Variants in PTPRJ observed in about 807,000 individuals in gnomAD.
The protein encoded by PTPRJ is receptor-type tyrosine-protein phosphatase eta.
A neutral mutation model predicts 141.3 loss-of-function variants in PTPRJ; 129 were observed. That is an observed-to-expected ratio of 0.91 (90% CI 0.79 to 1.06). The LOEUF (loss-of-function observed/expected upper bound fraction) is 1.06, where lower values mean the gene tolerates loss of function less well. Ranked by LOEUF, PTPRJ falls within the 50% of genes least tolerant of loss-of-function variation. PTPRJ has a pLI of 0.00. For missense variants in PTPRJ, 1,601 were observed against 1,679.7 expected (o/e 0.95, Z 0.82); for synonymous variants, 610 against 640.5 (o/e 0.95, Z 0.72).
At position 48,167,538 on chromosome 11, in the gene PTPRJ, G is replaced by A. The variant is rs568624530; in HGVS notation, c.*176G>A. 3.1e-5 allele frequency: 20 copies of A among 645,986 alleles called. No homozygotes were observed. The Admixed American group carries it at 4.7e-4, about 15-fold the overall frequency. The allele number at this position is 645,986 out of a possible 1,614,324, so 40.0% of individuals were successfully genotyped here. A position where few individuals can be genotyped will look rare whatever the true frequency, so the allele number is the denominator to read the frequency against. On this transcript the variant is annotated 3_prime_UTR_variant, in exon 25 of 25. Transcript: ENST00000418331. ...TGATAGATGACAAATTGGGGCTGTC[G>A]GGGGCTGTGGATGGGTGGGGAGCAA...
At chr11:48,026,512 G>A (rs925710813) in intron 1 of PTPRJ, among the ~76,000 whole-genome samples, 8 of 149,444 alleles carry the variant, frequency 5.4e-5, no homozygotes, top group Non-Finnish European at 1.2e-4. Flanking sequence ...ACGGAGTTTC[G>A]CTCTTATTGC....
chr11:48,166,821 G>A lies in PTPRJ; in HGVS notation c.3856-383G>A, dbSNP rs750854187. 3.7e-4 allele frequency among the ~76,000 whole-genome samples: 56 copies of A among 152,166 alleles called. 1 individual carries two copies. The highest frequency in any genetic ancestry group is 2.8e-4 in the Non-Finnish European group (19 of 68,038). On this transcript the variant is annotated intron_variant, in intron 24 of 24. Transcript: ENST00000418331. The stretch of plus-strand genomic sequence containing the variant: ...CCTCGCTCCTCGGTTGAGCATTACA[G>A]TTGATTCTTACTCTGTACAGTCTCA...
At chr11:48,095,928 C>T (rs1457400922) in intron 1 of PTPRJ, among the ~76,000 whole-genome samples, 5 of 152,312 alleles carry the variant, frequency 3.3e-5, no homozygotes, top group South Asian at 2.1e-4. Flanking sequence ...TTTCCTGCCA[C>T]AGCCGTGGTT....
intron 1 of PTPRJ, among the ~76,000 whole-genome samples, chr11:48,035,611 C>T (rs1590423805): frequency 8.6e-6 from 1 of 116,850 alleles, no homozygotes; most frequent in African/African-American, 3.4e-5. Context: ...GTCTTTGTGG[C>T]GTTGTATTAC....
intron 6 of PTPRJ, among the ~76,000 whole-genome samples, chr11:48,127,574 C>T (rs1856870296): frequency 6.6e-6 from 1 of 152,164 alleles, no homozygotes; most frequent in African/African-American, 2.4e-5. Context: ...CTGCAGGTGC[C>T]ATTGGCCAGG....
chr11:47,983,146 C>T (rs1277010653), intron 1 of PTPRJ, among the ~76,000 whole-genome samples: 1 of 152,086 alleles, frequency 6.6e-6, no homozygotes, highest in African/African-American at 2.4e-5. Flanking sequence ...AAGATGGGAA[C>T]CTGGGTCACC....
intron 1 of PTPRJ, among the ~76,000 whole-genome samples, chr11:48,023,876 T>G (rs1478453380): frequency 3.9e-5 from 6 of 152,000 alleles, no homozygotes; most frequent in Non-Finnish European, 8.8e-5. Context: ...TTTTATTAGA[T>G]CCACAACTTT....
At chr11:48,131,636 G>C (rs914627239) in intron 8 of PTPRJ, 1 of 713,542 alleles carries the variant, frequency 1.4e-6, no homozygotes, top group Non-Finnish European at 2.6e-6. Context: ...TCACAGCCAT[G>C]TTCATTTGCT....
At chr11:48,110,543 G>A (rs2090385098) in intron 2 of PTPRJ, among the ~76,000 whole-genome samples, 1 of 152,098 alleles carries the variant, frequency 6.6e-6, no homozygotes, top group African/African-American at 2.4e-5. Flanking sequence ...AACAACAAAT[G>A]AAAGAAAAAA....
intron 1 of PTPRJ, among the ~76,000 whole-genome samples, chr11:48,016,632 G>A (rs1349604455): frequency 1.3e-5 from 2 of 152,136 alleles, no homozygotes; most frequent in East Asian, 1.9e-4. Context: ...TCTTTAAAAT[G>A]TGGGCCCTAA....
intron 1 of PTPRJ, among the ~76,000 whole-genome samples, chr11:48,008,045 T>C (rs1854672788): frequency 6.6e-6 from 1 of 152,190 alleles, no homozygotes; most frequent in Admixed American, 6.5e-5. Flanking sequence ...TATCTATTTT[T>C]GACCTGTTTT....
In PTPRJ at chr11:48,146,777, C is replaced by CT. The variant is rs933848541; in HGVS notation, c.2912-96dup. The CT allele has an allele frequency of 4.7e-6, 4 of 859,464 alleles. No homozygotes were observed. The Admixed American group carries it at 6.9e-5, about 15-fold the overall frequency. The allele number at this position is 859,464 out of a possible 1,614,324, so 53.2% of individuals were successfully genotyped here. A position where few individuals can be genotyped will look rare whatever the true frequency, so the allele number is the denominator to read the frequency against. On this transcript the variant is annotated intron_variant, in intron 14 of 24. Coordinates refer to ENST00000418331, the MANE Select transcript of PTPRJ (RefSeq NM_002843.4). ...TGCATGTGTGTGTATGGTATACACACTTTAACTCTCTGGTGTTAGGGTCCC... is the reference window on the plus strand; with the variant it reads ...TGCATGTGTGTGTATGGTATACACACTTTTAACTCTCTGGTGTTAGGGTCCC...
intron 1 of PTPRJ, among the ~76,000 whole-genome samples, chr11:48,045,817 C>T (rs538344480): frequency 2.6e-5 from 4 of 152,276 alleles, no homozygotes; most frequent in South Asian, 2.1e-4. Context: ...GGCCTGGCCA[C>T]CTGGTACTTA....
At chr11:48,112,111 C>T (rs1856455497) in intron 2 of PTPRJ, among the ~76,000 whole-genome samples, 2 of 152,118 alleles carry the variant, frequency 1.3e-5, no homozygotes, top group African/African-American at 2.4e-5. Flanking sequence ...ATCCAGTCAT[C>T]GCATCCACAC....
chr11:48,086,056 C>G (rs1855697988), intron 1 of PTPRJ, among the ~76,000 whole-genome samples: 1 of 152,086 alleles, frequency 6.6e-6, no homozygotes, highest in Non-Finnish European at 1.5e-5. Flanking sequence ...TAGCTCTGTT[C>G]ACTCCTCTGA....
intron 11 of PTPRJ, 111 bp from the exon 12 acceptor site, chr11:48,142,808 T>C: frequency 7.5e-7 from 1 of 1,328,426 alleles, no homozygotes; most frequent in South Asian, 1.5e-5. Context: ...GAGCCCAGCA[T>C]GTAGCTTCCA....
intron 1 of PTPRJ, among the ~76,000 whole-genome samples, chr11:47,992,549 A>T (rs938741324): frequency 6.6e-6 from 1 of 152,220 alleles, no homozygotes; most frequent in Admixed American, 6.5e-5. Context: ...TGGTTCACAC[A>T]TAATTATTAG....
intron 1 of PTPRJ, among the ~76,000 whole-genome samples, chr11:48,085,567 A>G (rs1855680349): frequency 6.6e-6 from 1 of 151,956 alleles, no homozygotes; most frequent in Non-Finnish European, 1.5e-5. Flanking sequence ...CTGGTCTCGA[A>G]CTCCTGACCT....
intron 1 of PTPRJ, chr11:48,046,302 A>G (rs1292846570): frequency 2.0e-5 from 3 of 152,152 alleles, no homozygotes; most frequent in Middle Eastern, 3.2e-3. Context: ...CTTGTCTCCA[A>G]ATCGCTTCGC....
Sources: gnomAD v4.1 joint callset for allele counts (sites outside exome capture counted in the v4.1 genomes callset) on GRCh38, gnomAD v4.1.1 for gene constraint, MANE v1.5 for transcripts, NCBI Gene and HGNC (gene_info 2026-07-23, HGNC 2026-07-21) for gene names.